HDAC9: variants seen among roughly 807,000 people sequenced by gnomAD.
HDAC9 encodes MEF-2 interacting transcription repressor (MITR) protein.
In HDAC9, 41 loss-of-function variants were observed where a neutral mutation model predicts 139.4. That is an observed-to-expected ratio of 0.29 (90% confidence interval 0.23 to 0.38). The LOEUF is 0.38. Ranked by LOEUF, HDAC9 falls within the 10% of genes least tolerant of loss-of-function variation. HDAC9 has a pLI of 1.00. For missense variants in HDAC9, 1,147 were observed against 1,297.0 expected (o/e 0.88, Z 1.78); for synonymous variants, 517 against 476.2 (o/e 1.09, Z -1.12).
At chr7:18,667,879 T>TAAAG in intron 12 of HDAC9, 1 of 983,606 alleles carries the variant, frequency 1.0e-6, no homozygotes, top group Non-Finnish European at 1.2e-6. Context: ...TTTACTTTTG[T>TAAAG]TAAGCTAGTT....
chr7:18,517,444 T>C (rs1391515207), intron 2 of HDAC9, among the ~76,000 whole-genome samples: 1 of 152,184 alleles, frequency 6.6e-6, no homozygotes, highest in Non-Finnish European at 1.5e-5. Flanking sequence ...AAGGATCAGC[T>C]TGTGTGATGC....
chr7:18,328,827 A>G (rs1243944336), intron 1 of HDAC9, among the ~76,000 whole-genome samples: 1 of 151,906 alleles, frequency 6.6e-6, no homozygotes, highest in Non-Finnish European at 1.5e-5. Flanking sequence ...TTGTAAAATT[A>G]GTTTGGAAGT....
intron 22 of HDAC9, among the ~76,000 whole-genome samples, chr7:18,916,453 T>G (rs1803217734): frequency 6.6e-6 from 1 of 152,022 alleles, no homozygotes; most frequent in Non-Finnish European, 1.5e-5. Context: ...GTGTAAAATT[T>G]TGATGAATTC....
intron 1 of HDAC9, among the ~76,000 whole-genome samples, chr7:18,414,155 T>C (rs1788830628): frequency 6.6e-6 from 1 of 152,180 alleles, no homozygotes; most frequent in South Asian, 2.1e-4. Flanking sequence ...ATATTTAATT[T>C]CAAAATGTAT....
At position 18,765,519 on chromosome 7, in the gene HDAC9, T is replaced by C. The variant is rs537154170; in HGVS notation, c.2165-1587T>C. On this transcript the variant is annotated intron_variant, in intron 15 of 25. Transcript: ENST00000686413. ...CCTGTAGTCCCAACTGACGGGAGGC[T>C]GAGGCAGAAGAATCGGTGGAGGCTG... Among the ~76,000 whole-genome samples the C allele has an allele frequency of 2.0e-5, 3 of 152,148 alleles. No homozygotes were observed. The East Asian group carries it at 5.8e-4, about 29-fold the overall frequency.
chr7:18,167,535 A>G (rs1211442206), intron 2 of HDAC9, among the ~76,000 whole-genome samples: 1 of 152,188 alleles, frequency 6.6e-6, no homozygotes, highest in African/African-American at 2.4e-5. Flanking sequence ...TCTCGTTCAT[A>G]TAAAGACTGA....
At chr7:18,485,534 A>T (rs1176676793) in intron 1 of HDAC9, among the ~76,000 whole-genome samples, 1 of 151,254 alleles carries the variant, frequency 6.6e-6, no homozygotes, top group African/African-American at 2.4e-5. Flanking sequence ...TTTATAGCTG[A>T]TGTTAGTTCG....
intron 2 of HDAC9, among the ~76,000 whole-genome samples, chr7:18,221,209 G>A (rs919059266): frequency 1.3e-4 from 20 of 151,140 alleles, no homozygotes; most frequent in African/African-American, 4.9e-4. Flanking sequence ...AGGTTCAAGC[G>A]ATTCTCCTGC....
At chr7:18,163,475 A>G (rs1335079988) in intron 2 of HDAC9, among the ~76,000 whole-genome samples, 1 of 152,276 alleles carries the variant, frequency 6.6e-6, no homozygotes, top group East Asian at 1.9e-4. Context: ...CCCTATTCTC[A>G]TAGTTTTTGA....
chr7:18,393,121 A>G (rs1250007571), intron 1 of HDAC9, among the ~76,000 whole-genome samples: 2 of 104,826 alleles, frequency 1.9e-5, no homozygotes, highest in African/African-American at 5.4e-5. Flanking sequence ...TTTAGATAAA[A>G]TGGATTTTTT....
Position 18,771,148 on chromosome 7 carries a change from G to A in HDAC9, c.2214+3993G>A, listed in dbSNP as rs530752981. Among the ~76,000 whole-genome samples, 7 of 152,240 alleles carry A rather than the reference G, an allele frequency of 4.6e-5. No individual in the cohort carries two copies. The South Asian group carries it at 1.0e-3, about 23-fold the overall frequency. On this transcript the variant is annotated intron_variant, in intron 16 of 25. Coordinates refer to ENST00000686413, the MANE Select transcript of HDAC9 (RefSeq NM_178425.4). ...GGCAGAACTGGGACCTGACTAAGTG[G>A]TTGAAGATATGCAAAAAGAGGCTCT...
At chr7:18,369,174 T>G (rs1303235663) in intron 1 of HDAC9, among the ~76,000 whole-genome samples, 1 of 152,140 alleles carries the variant, frequency 6.6e-6, no homozygotes, top group Non-Finnish European at 1.5e-5. Context: ...TATGTCTATT[T>G]TTTTGAATTA....
chr7:18,189,073 G>A (rs902037243), intron 2 of HDAC9, among the ~76,000 whole-genome samples: 1 of 152,102 alleles, frequency 6.6e-6, no homozygotes, highest in Non-Finnish European at 1.5e-5. Context: ...ATTTACAATA[G>A]CAAAGACATG....
chr7:18,515,539 C>T (rs1335666139), intron 2 of HDAC9, among the ~76,000 whole-genome samples: 1 of 152,158 alleles, frequency 6.6e-6, no homozygotes, highest in Non-Finnish European at 1.5e-5. Context: ...CCACAGTATC[C>T]TGGACCAAGA....
At chr7:18,575,536 C>T (rs927211875) in intron 2 of HDAC9, among the ~76,000 whole-genome samples, 1 of 152,210 alleles carries the variant, frequency 6.6e-6, no homozygotes, top group African/African-American at 2.4e-5. Context: ...TCACTTACTC[C>T]ATGTTGTCAC....
intron 1 of HDAC9, among the ~76,000 whole-genome samples, chr7:18,155,426 G>T (rs568289498): frequency 6.6e-6 from 1 of 152,066 alleles, no homozygotes; most frequent in Non-Finnish European, 1.5e-5. Flanking sequence ...ACTGTAGTTG[G>T]CAAGATTTCT....
intron 1 of HDAC9, among the ~76,000 whole-genome samples, chr7:18,087,598 G>T (rs899994914): frequency 6.6e-6 from 1 of 152,064 alleles, no homozygotes; most frequent in Non-Finnish European, 1.5e-5. Context: ...CTTATTGGGG[G>T]GTACCTTTGA....
chr7:18,119,540 C>T (rs898107619), intron 1 of HDAC9, among the ~76,000 whole-genome samples: 1 of 152,188 alleles, frequency 6.6e-6, no homozygotes, highest in Admixed American at 6.5e-5. Flanking sequence ...TGTCGGTCTT[C>T]TGAAGAACTG....
At chr7:18,297,105 T>TC (rs753916187) in intron 1 of HDAC9, among the ~76,000 whole-genome samples, 15 of 152,152 alleles carry the variant, frequency 9.9e-5, no homozygotes, top group Non-Finnish European at 2.1e-4. Context: ...TTGAGAAACT[T>TC]CCGTGTAGGT....
Sources: gnomAD v4.1 joint callset for allele counts (sites outside exome capture counted in the v4.1 genomes callset) on GRCh38, gnomAD v4.1.1 for gene constraint, MANE v1.5 for transcripts, NCBI Gene and HGNC (gene_info 2026-07-23, HGNC 2026-07-21) for gene names.